XRCC4: variants seen among roughly 807,000 people sequenced by gnomAD.
The protein encoded by XRCC4 is DNA repair protein XRCC4.
Under a neutral mutation model 39.1 loss-of-function variants are expected in XRCC4, and 28 were observed. The ratio of observed to expected loss-of-function variants is 0.72; its 90% CI spans 0.53 to 0.98. XRCC4 has a LOEUF of 0.98. XRCC4 is among the 50% of genes least tolerant of loss of function. XRCC4 has a pLI of 0.00. For synonymous variants in XRCC4, 123 were observed against 126.4 expected, an observed-to-expected ratio of 0.97 and a Z score of 0.18; for missense variants, 350 against 376.4, an observed-to-expected ratio of 0.93 and a Z score of 0.58.
intron 1 of XRCC4, among the ~76,000 whole-genome samples, chr5:83,086,556 G>A (rs773055077): frequency 5.3e-5 from 8 of 152,150 alleles, no homozygotes; most frequent in South Asian, 2.1e-4. Flanking sequence ...TGGCTGGGGC[G>A]GAAGAGGAAG....
chr5:83,284,392 A>T (rs1046277752), intron 7 of XRCC4, among the ~76,000 whole-genome samples: 1 of 152,132 alleles, frequency 6.6e-6, no homozygotes, highest in Non-Finnish European at 1.5e-5. Context: ...TCAGATGTGT[A>T]TCTCATAGAG....
In XRCC4 at chr5:83,104,844, A is replaced by G. The variant is rs1268575719; in HGVS notation, c.-10-66A>G. On this transcript the variant is annotated intron_variant, in intron 1 of 7. Transcript: ENST00000396027. ...TTGGTGTTTGTGTAGCTGAGAGGCC[A>G]GTACAGAAAACATTATTTGAGTTAC... 7.5e-6 allele frequency: 11 copies of G among 1,460,178 alleles called. No homozygotes were observed. The East Asian group carries it at 1.6e-4, about 21-fold the overall frequency. The allele number at this position is 1,460,178 out of a possible 1,614,324, so 90.5% of individuals were successfully genotyped here.
At chr5:83,279,688 T>A (rs1173059981) in intron 7 of XRCC4, among the ~76,000 whole-genome samples, 4 of 152,232 alleles carry the variant, frequency 2.6e-5, no homozygotes. Flanking sequence ...AGAAGAATGA[T>A]GTCAGTATTC....
rs959826263 is a variant in XRCC4 at position 83,336,604 on chromosome 5, C to A, written c.894-16527C>A. Among the ~76,000 whole-genome samples, 8 of 152,088 alleles carry A rather than the reference C, an allele frequency of 5.3e-5. No individual in the cohort carries two copies. In the South Asian group the frequency reaches 1.0e-3, roughly 20 times the overall value. On this transcript the variant is annotated intron_variant, in intron 7 of 7. Coordinates refer to ENST00000396027, the MANE Select transcript of XRCC4 (RefSeq NM_003401.5). Reference sequence around the variant, plus strand: ...TATTTGCCCTGTTGTTTCTCAATAGCCAGATATAAGAGATTTAAATTGACT... The same window carrying A: ...TATTTGCCCTGTTGTTTCTCAATAGACAGATATAAGAGATTTAAATTGACT...
At chr5:83,312,093 T>C (rs1362297892) in intron 7 of XRCC4, among the ~76,000 whole-genome samples, 1 of 152,114 alleles carries the variant, frequency 6.6e-6, no homozygotes, top group South Asian at 2.1e-4. Flanking sequence ...AGCTGAAGAA[T>C]AGGCACAGAA....
intron 1 of XRCC4, among the ~76,000 whole-genome samples, chr5:83,095,084 T>G (rs775237562): frequency 3.0e-4 from 46 of 152,142 alleles, no homozygotes; most frequent in Non-Finnish European, 6.3e-4. Flanking sequence ...GATAGAACTT[T>G]ACTATTTATT....
intron 3 of XRCC4, among the ~76,000 whole-genome samples, chr5:83,144,677 T>G (rs973170471): frequency 5.3e-5 from 8 of 151,578 alleles, no homozygotes; most frequent in African/African-American, 1.9e-4. Context: ...ATTCTCTTTT[T>G]TCCTTTTCTT....
chr5:83,079,367 C>G (rs1744831082), intron 1 of XRCC4, among the ~76,000 whole-genome samples: 1 of 151,984 alleles, frequency 6.6e-6, no homozygotes, highest in Non-Finnish European at 1.5e-5. Flanking sequence ...TAGTTTAGCT[C>G]CATTGTCTTA....
intron 1 of XRCC4, among the ~76,000 whole-genome samples, chr5:83,103,009 G>GGTATATATATATAT (rs142149797): frequency 9.4e-6 from 1 of 106,464 alleles, no homozygotes; most frequent in Admixed American, 9.4e-5. Context: ...AGATAGAGCT[G>GGTATATATATATAT]ATATATATAT....
At chr5:83,103,191 C>T (rs896043115) in intron 1 of XRCC4, among the ~76,000 whole-genome samples, 1 of 151,476 alleles carries the variant, frequency 6.6e-6, no homozygotes, top group Non-Finnish European at 1.5e-5. Context: ...TTCAGATAAT[C>T]ATTGTTTTGG....
At chr5:83,098,094 G>A (rs1286480774) in intron 1 of XRCC4, among the ~76,000 whole-genome samples, 1 of 152,062 alleles carries the variant, frequency 6.6e-6, no homozygotes, top group Non-Finnish European at 1.5e-5. Flanking sequence ...AATGGTATTT[G>A]TAAAAGATAA....
At chr5:83,258,368 G>C (rs552530127) in intron 6 of XRCC4, among the ~76,000 whole-genome samples, 162 bp from the exon 7 acceptor site, 2 of 152,126 alleles carry the variant, frequency 1.3e-5, no homozygotes, top group Admixed American at 1.3e-4. Context: ...GTATCATATG[G>C]CATCTAACTG....
At chr5:83,235,736 G>A (rs1752665203) in intron 6 of XRCC4, among the ~76,000 whole-genome samples, 1 of 151,794 alleles carries the variant, frequency 6.6e-6, no homozygotes. Flanking sequence ...AATTAGGCAA[G>A]GGAAAGAAAT....
intron 6 of XRCC4, among the ~76,000 whole-genome samples, chr5:83,211,851 C>T (rs1195039019): frequency 2.0e-5 from 3 of 151,980 alleles, no homozygotes; most frequent in Non-Finnish European, 4.4e-5. Context: ...AATAAACAAA[C>T]AAAAAGCAAC....
At chr5:83,165,189 T>C (rs1038395414) in intron 3 of XRCC4, among the ~76,000 whole-genome samples, 4 of 151,870 alleles carry the variant, frequency 2.6e-5, no homozygotes, top group African/African-American at 9.7e-5. Context: ...TAATTCCCCC[T>C]TTAAAAAAAA....
intron 3 of XRCC4, among the ~76,000 whole-genome samples, chr5:83,193,741 A>G (rs1229029655): frequency 6.6e-6 from 1 of 152,216 alleles, no homozygotes; most frequent in Non-Finnish European, 1.5e-5. Flanking sequence ...TTTTATTTCT[A>G]AAAATGTCCA....
chr5:83,309,296 A>AAAATATATATATAT (rs1561467702), intron 7 of XRCC4, among the ~76,000 whole-genome samples: 2 of 72,232 alleles, frequency 2.8e-5, no homozygotes, highest in East Asian at 1.2e-3. Flanking sequence ...AAAAAAAAAA[A>AAAATATATATATAT]ATATATATAT....
chr5:83,208,385 A>G (rs1010885986), intron 6 of XRCC4, among the ~76,000 whole-genome samples: 2 of 152,042 alleles, frequency 1.3e-5, no homozygotes, highest in African/African-American at 4.8e-5. Flanking sequence ...CAAAGATGGT[A>G]TGGTAATTCA....
At chr5:83,109,373 A>G (rs1025088556) in intron 2 of XRCC4, among the ~76,000 whole-genome samples, 1 of 151,942 alleles carries the variant, frequency 6.6e-6, no homozygotes, top group Non-Finnish European at 1.5e-5. Flanking sequence ...ACCCTAGACC[A>G]TTACTTGATC....
Sources: allele counts gnomAD v4.1 joint callset (sites outside exome capture counted in the v4.1 genomes callset), GRCh38; gene constraint gnomAD v4.1.1; transcripts MANE v1.5; gene names NCBI Gene and HGNC (gene_info 2026-07-23, HGNC 2026-07-21).